C2CD2L: variants seen among roughly 807,000 people sequenced by gnomAD.
C2CD2L encodes the protein C2CD2 like.
C2CD2L carries 24 observed loss-of-function variants against 69.9 expected under a neutral mutation model. The ratio of observed to expected loss-of-function variants is 0.34; its 90% CI spans 0.25 to 0.48. The LOEUF is 0.48. C2CD2L is among the 20% of genes least tolerant of loss of function. The pLI is 0.99. For missense variants in C2CD2L, 811 were observed against 941.5 expected (o/e 0.86, Z 1.81); for synonymous variants, 367 against 391.0 (o/e 0.94, Z 0.72).
At chr11:119,112,655 G>A in intron 9 of C2CD2L, 45 bp from the exon 10 acceptor site, 2 of 1,608,024 alleles carry the variant, frequency 1.2e-6, no homozygotes, top group Non-Finnish European at 1.7e-6. Flanking sequence ...CAGGGGATGG[G>A]CAGTCTCCGA....
At position 119,116,316 on chromosome 11, in the gene C2CD2L, C is replaced by A; in HGVS notation, c.*60C>A. On this transcript the variant is annotated 3_prime_UTR_variant, in exon 14 of 14. Coordinates refer to ENST00000648610, the MANE Select transcript of C2CD2L (RefSeq NM_001290474.2). ...CCCATTCCCCACCTCCCCTTCCATACCCCTTCCTGGATCTCCAGTGCCTGG... is the reference window on the plus strand; with the variant it reads ...CCCATTCCCCACCTCCCCTTCCATAACCCTTCCTGGATCTCCAGTGCCTGG... 7.4e-7 allele frequency: 1 copy of A among 1,354,202 alleles called. No homozygotes were observed. The highest frequency in any genetic ancestry group is 1.1e-6 in the Non-Finnish European group (1 of 952,366). The allele number at this position is 1,354,202 out of a possible 1,614,324, so 83.9% of individuals were successfully genotyped here. A position where few individuals can be genotyped will look rare whatever the true frequency, so the allele number is the denominator to read the frequency against.
Position 119,114,099 on chromosome 11 carries a change from A to C in C2CD2L, c.1643A>C (p.Glu548Ala). Residue 548 changes from glutamate (E) to alanine (A), a missense_variant, in exon 13 of 14, where the codon GAG becomes GCG. Glu to Ala is a moderately radical substitution (Grantham distance 107, BLOSUM62 -1). Transcript: ENST00000648610. This position sits in a 1 kb window ranked among gnomAD's most constrained non-coding sequence, Gnocchi z 5.1. ...TGCCAGGTGCCCATTGCTCAGGACG[A>C]GTTGGCGCTATCCCTGGGCTATGCG... ...GVSKVPIAQD[E>A]LALSLGYAAS... 6.2e-7 allele frequency: 1 copy of C among 1,614,074 alleles called. No homozygotes were observed. The highest frequency in any genetic ancestry group is 8.5e-7 in the Non-Finnish European group (1 of 1,179,980).
chr11:119,111,040 T>C lies in C2CD2L; in HGVS notation c.682-12T>C, dbSNP rs776802511. 2 of 1,612,826 alleles carry C rather than the reference T, an allele frequency of 1.2e-6. No homozygotes were observed. Among genetic ancestry groups the C allele is most frequent in the East Asian group, 2.2e-5 (1 of 44,886 alleles). ...GATCCACCTCCTTGTTGTTCCCTTC[T>C]TCTCTCTGCAGAGAGGTGAAGAACA... On this transcript the variant is annotated splice_polypyrimidine_tract_variant and intron_variant, in intron 4 of 13. Coordinates refer to ENST00000648610, the MANE Select transcript of C2CD2L (RefSeq NM_001290474.2).
At chr11:119,112,972 TC>T in intron 10 of C2CD2L, 98 bp downstream of exon 10, 1 of 923,360 alleles carries the variant, frequency 1.1e-6, no homozygotes, top group Non-Finnish European at 1.6e-6. Flanking sequence ...TAATTCCAAC[TC>T]CCCCTGTTTT....
chr11:119,107,705 GC>G lies in C2CD2L; in HGVS notation c.-33del, dbSNP rs776721006. The G allele has an allele frequency of 3.7e-6, 5 of 1,356,060 alleles. No homozygotes were observed. The African/African-American group carries it at 6.2e-5, about 17-fold the overall frequency. 84.0% of individuals were successfully genotyped at this position (1,356,060 alleles called of 1,614,324 possible). On this transcript the variant is annotated 5_prime_UTR_variant, in exon 1 of 14. Coordinates refer to ENST00000648610, the MANE Select transcript of C2CD2L (RefSeq NM_001290474.2). This position sits in a 1 kb window ranked among gnomAD's most constrained non-coding sequence, Gnocchi z 5.4. ...CATGCTCCCCCGGGGCAGCGGGTGA[GC>G]CCCAGCCGGGACCGGGATCGGAGCC...
At chr11:119,111,219 G>A (rs1199020793) in intron 5 of C2CD2L, 44 bp from the exon 6 acceptor site, 4 of 1,610,892 alleles carry the variant, frequency 2.5e-6, no homozygotes, top group Admixed American at 3.3e-5. Flanking sequence ...TTCCTAGGGT[G>A]CTATGTCAGG....
chr11:119,114,166 C>G lies in C2CD2L; in HGVS notation c.1710C>G (p.Ser570Arg). The stretch of plus-strand genomic sequence containing the variant: ...CAGTGCAGGATGATGCAGGGACCAG[C>G]GGAGGCCCCTCTTCACCTCCCTCAG... Reference protein sequence around the residue: ...EASVQDDAGTSGGPSSPPSDP... With the variant: ...EASVQDDAGTRGGPSSPPSDP... The change falls in exon 13 of 14, where the codon AGC becomes AGG. Residue 570 changes from serine (S) to arginine (R), a missense_variant. Physicochemically the swap from Ser to Arg is moderately radical, Grantham distance 110 (BLOSUM62 -1). Coordinates refer to ENST00000648610, the MANE Select transcript of C2CD2L (RefSeq NM_001290474.2). The surrounding 1 kb of genome is among the most constrained non-coding windows in gnomAD (Gnocchi z 5.1). The G allele has an allele frequency of 1.2e-6, 2 of 1,614,088 alleles. No homozygotes were observed. Among genetic ancestry groups the G allele is most frequent in the East Asian group, 4.5e-5 (2 of 44,874 alleles).
rs1946620562 is a variant in C2CD2L, at chr11:119,107,646, G to C, written c.-96G>C. The C allele has an allele frequency of 4.3e-6, 3 of 705,286 alleles. No individual in the cohort carries two copies. Among genetic ancestry groups the C allele is most frequent in the East Asian group, 7.0e-5 (2 of 28,594 alleles). 43.7% of individuals were successfully genotyped at this position (705,286 alleles called of 1,614,324 possible). On this transcript the variant is annotated 5_prime_UTR_variant, in exon 1 of 14. Transcript: ENST00000648610. The surrounding 1 kb of genome is among the most constrained non-coding windows in gnomAD (Gnocchi z 5.4). Reference sequence around the variant, plus strand: ...CCCGACCCCGCGCGCCCAGCCCCGGGGGAGCCCACCTCCTCCCCGCGGCCC... The same window carrying C: ...CCCGACCCCGCGCGCCCAGCCCCGGCGGAGCCCACCTCCTCCCCGCGGCCC...
At position 119,114,185 on chromosome 11, in the gene C2CD2L, C is replaced by A. The variant is rs968177872; in HGVS notation, c.1729C>A (p.Pro577Thr). 5 of 1,614,052 alleles carry A rather than the reference C, an allele frequency of 3.1e-6. No individual in the cohort carries two copies. Among genetic ancestry groups the A allele is most frequent in the Non-Finnish European group, 4.2e-6 (5 of 1,180,040 alleles). ...GACCAGCGGAGGCCCCTCTTCACCT[C>A]CCTCAGACCCACCAGCCATGTCTCC... ...AGTSGGPSSPPSDPPAMSPGP... is the reference protein window; with the variant it reads ...AGTSGGPSSPTSDPPAMSPGP... Residue 577 changes from proline to threonine, a missense_variant, in exon 13 of 14, where the codon CCC becomes ACC. Coordinates refer to ENST00000648610, the MANE Select transcript of C2CD2L (RefSeq NM_001290474.2). The surrounding 1 kb of genome is among the most constrained non-coding windows in gnomAD (Gnocchi z 5.1).
Position 119,112,604 on chromosome 11 carries a change from G to A in C2CD2L, c.1207G>A (p.Val403Met). ...KALGPAATMA[V>M]ELHYEEGSPR... ...CCTGGGACCAGCAGCCACCATGGCAGTGGAGGTGAGAAGCTGACCCCTGGG... is the reference window on the plus strand; with the variant it reads ...CCTGGGACCAGCAGCCACCATGGCAATGGAGGTGAGAAGCTGACCCCTGGG... The change falls in exon 9 of 14, where the codon GTG (valine) becomes ATG (methionine). Residue 403 changes from valine (V) to methionine (M), a missense_variant. Val to Met is a conservative substitution (Grantham distance 21). Transcript: ENST00000648610. 6.2e-7 allele frequency: 1 copy of A among 1,609,264 alleles called. No individual in the cohort carries two copies. Among genetic ancestry groups the A allele is most frequent in the South Asian group, 1.1e-5 (1 of 90,876 alleles).
At position 119,109,433 on chromosome 11, in the gene C2CD2L, G is replaced by T. The variant is rs891825092; in HGVS notation, c.355-671G>T. ...AAGCAGCTTTCTGCTCTCTAATACC[G>T]TCCTGCTATCTGCCTTGAGGAATTA... On this transcript the variant is annotated intron_variant, in intron 1 of 13. Coordinates refer to ENST00000648610, the MANE Select transcript of C2CD2L (RefSeq NM_001290474.2). The surrounding 1 kb of genome is among the most constrained non-coding windows in gnomAD (Gnocchi z 5.1). Among the ~76,000 whole-genome samples, 1 of 152,162 alleles carries T rather than the reference G, an allele frequency of 6.6e-6. No individual in the cohort carries two copies. The highest frequency in any genetic ancestry group is 1.5e-5 in the Non-Finnish European group (1 of 68,032).
Position 119,110,809 on chromosome 11 carries a change from G to T in C2CD2L, c.571-38G>T. The T allele has an allele frequency of 7.5e-6, 12 of 1,609,752 alleles. No homozygotes were observed. Among genetic ancestry groups the T allele is most frequent in the Non-Finnish European group, 9.3e-6 (11 of 1,176,734 alleles). ...TCGAATTAGGAGTCCTTGGGTAAAT[G>T]GGGCAAGTCAGCCCAGTCACTTTGT... On this transcript the variant is annotated intron_variant, in intron 3 of 13. Transcript: ENST00000648610. The surrounding 1 kb of genome is among the most constrained non-coding windows in gnomAD (Gnocchi z 5.7).
At position 119,110,469 on chromosome 11, in the gene C2CD2L, G is replaced by GACTCCT. The variant is rs1179182326; in HGVS notation, c.451-91_451-90insCTCCTA. 2.1e-6 allele frequency: 3 copies of GACTCCT among 1,414,162 alleles called. No homozygotes were observed. The highest frequency in any genetic ancestry group is 2.8e-6 in the Non-Finnish European group (3 of 1,058,746). 87.6% of individuals were successfully genotyped at this position (1,414,162 alleles called of 1,614,324 possible). A position where few individuals can be genotyped will look rare whatever the true frequency, so the allele number is the denominator to read the frequency against. On this transcript the variant is annotated intron_variant, in intron 2 of 13. Transcript: ENST00000648610. The surrounding 1 kb of genome is among the most constrained non-coding windows in gnomAD (Gnocchi z 5.7). ...AAAACATGAAGTCCTTAGGAAAACG[G>GACTCCT]AAGTGGGGAGGGGTCTGCTGAACTA...
In C2CD2L at chr11:119,116,406, G is replaced by A; in HGVS notation, c.*150G>A. 6.1e-6 allele frequency: 4 copies of A among 652,332 alleles called. No individual in the cohort carries two copies. Among genetic ancestry groups the A allele is most frequent in the Non-Finnish European group, 1.1e-5 (4 of 378,334 alleles). 40.4% of individuals were successfully genotyped at this position (652,332 alleles called of 1,614,324 possible). A position where few individuals can be genotyped will look rare whatever the true frequency, so the allele number is the denominator to read the frequency against. On this transcript the variant is annotated 3_prime_UTR_variant, in exon 14 of 14. Transcript: ENST00000648610. ...CCTGGGCCATGGGGCCGGTTGGAAGGATACTTGGAACGGGAAGCACATGAG... is the reference window on the plus strand; with the variant it reads ...CCTGGGCCATGGGGCCGGTTGGAAGAATACTTGGAACGGGAAGCACATGAG...
intron 1 of C2CD2L, 29 bp downstream of exon 1, chr11:119,108,124 C>G (rs1250277623): frequency 3.4e-6 from 5 of 1,483,636 alleles, no homozygotes; most frequent in Non-Finnish European, 4.6e-6. Flanking sequence ...TTGGGTGGTC[C>G]CTTCAGCCTT....
upstream of C2CD2L, among the ~76,000 whole-genome samples, chr11:119,106,376 C>T (rs530969544): frequency 6.6e-6 from 1 of 152,212 alleles, no homozygotes; most frequent in Admixed American, 6.5e-5. Context: ...GAAGAAGGGG[C>T]TCTTGGGAGA....
chr11:119,112,010 C>T, intron 7 of C2CD2L: 1 of 457,880 alleles, frequency 2.2e-6, no homozygotes, highest in Non-Finnish European at 3.9e-6. Context: ...AGGATTTCAT[C>T]AGAGTGTGAA....
In C2CD2L at chr11:119,110,594, C is replaced by T. The variant is rs145920257; in HGVS notation, c.484C>T (p.Arg162Trp). The T allele has an allele frequency of 7.5e-5, 121 of 1,610,040 alleles. No individual in the cohort carries two copies. In the East Asian group the frequency reaches 8.7e-4, roughly 12 times the overall value. The change falls in exon 3 of 14, where the codon CGG becomes TGG. Residue 162 changes from arginine (R) to tryptophan (W), a missense_variant. Coordinates refer to ENST00000648610, the MANE Select transcript of C2CD2L (RefSeq NM_001290474.2). This position sits in a 1 kb window ranked among gnomAD's most constrained non-coding sequence, Gnocchi z 5.7. ...TTGCCAGCTCTCTGCTGAGGAGGTG[C>T]GGTTCCCAGTCTCTGTGACCCAGCA... ...LRCQLSAEEVRFPVSVTQQSP... is the reference protein window; with the variant it reads ...LRCQLSAEEVWFPVSVTQQSP...
At chr11:119,105,685 G>C (rs1946571057), upstream of C2CD2L, among the ~76,000 whole-genome samples, 1 of 151,398 alleles carries the variant, frequency 6.6e-6, no homozygotes, top group Admixed American at 6.6e-5. Context: ...TAACTAGGGA[G>C]ACTCATGTAA....
Sources: allele counts gnomAD v4.1 joint callset (sites outside exome capture counted in the v4.1 genomes callset), GRCh38; gene constraint gnomAD v4.1.1; non-coding constraint Gnocchi (gnomAD v3.1); transcripts MANE v1.5; gene names NCBI Gene and HGNC (gene_info 2026-07-23, HGNC 2026-07-21).